DSTN: variants seen among roughly 807,000 people sequenced by gnomAD.
DSTN encodes the protein destrin, actin depolymerizing factor, also known as destrin.
DSTN carries 10 observed loss-of-function variants against 16.8 expected under a neutral mutation model. The ratio of observed to expected loss-of-function variants is 0.60; its 90% CI spans 0.37 to 1.01. DSTN has a LOEUF of 1.01. Ranked by LOEUF, DSTN falls within the 50% of genes least tolerant of loss-of-function variation. The probability of loss-of-function intolerance (pLI) is 0.01; values close to 1 mark genes in which losing one functional copy is unlikely to be tolerated. For missense variants in DSTN, 141 were observed against 196.7 expected, an observed-to-expected ratio of 0.72 and a Z score of 1.69; for synonymous variants, 57 against 58.9, an observed-to-expected ratio of 0.97 and a Z score of 0.14.
At chr20:17,601,401 C>G (rs187762390) in intron 2 of DSTN, among the ~76,000 whole-genome samples, 507 of 152,146 alleles carry the variant, frequency 3.3e-3, no homozygotes, top group Middle Eastern at 6.8e-3. Flanking sequence ...TGCCAGGAAC[C>G]AGCCTTCTAT....
In DSTN at chr20:17,570,110, G is replaced by A; in HGVS notation, c.-99G>A. On this transcript the variant is annotated 5_prime_UTR_variant, in exon 1 of 4. Coordinates refer to ENST00000246069, the MANE Select transcript of DSTN (RefSeq NM_006870.4). ...AAGCTCGCGCCGCCGCGTCAGCTCA[G>A]CGCTGGGTCTCTCGGTCCCGCAGCC... 4 of 1,495,574 alleles carry A rather than the reference G, an allele frequency of 2.7e-6. No individual in the cohort carries two copies. Among genetic ancestry groups the A allele is most frequent in the African/African-American group, 1.5e-5 (1 of 68,572 alleles). The allele number at this position is 1,495,574 out of a possible 1,614,324, so 92.6% of individuals were successfully genotyped here. A position where few individuals can be genotyped will look rare whatever the true frequency, so the allele number is the denominator to read the frequency against.
At chr20:17,583,907 A>T (rs1029329297) in intron 1 of DSTN, among the ~76,000 whole-genome samples, 3 of 151,732 alleles carry the variant, frequency 2.0e-5, no homozygotes, top group Admixed American at 1.3e-4. Context: ...TGGCAATTTT[A>T]AAAAGTTTTT....
chr20:17,606,479 C>G (rs2035644157), intron 3 of DSTN, among the ~76,000 whole-genome samples: 2 of 152,140 alleles, frequency 1.3e-5, no homozygotes, highest in African/African-American at 4.8e-5. Flanking sequence ...ATCAACTGTG[C>G]AATCAAAAAT....
chr20:17,605,260 CACT>C, intron 3 of DSTN: 13 of 439,414 alleles, frequency 3.0e-5, no homozygotes, highest in South Asian at 2.1e-4. Context: ...CAAAGGCCTG[CACT>C]GAGGGCGAAG....
At chr20:17,574,882 T>TTC (rs1201949017) in intron 1 of DSTN, among the ~76,000 whole-genome samples, 1 of 133,928 alleles carries the variant, frequency 7.5e-6, no homozygotes, top group Non-Finnish European at 1.6e-5. Flanking sequence ...TTTTTTTTTT[T>TTC]TTTTTTTTTT....
At chr20:17,572,840 C>T (rs1018607733) in intron 1 of DSTN, among the ~76,000 whole-genome samples, 4 of 152,134 alleles carry the variant, frequency 2.6e-5, no homozygotes, top group African/African-American at 9.7e-5. Context: ...TCCTTTTGTA[C>T]AGGAAAAACA....
rs536619983 is a variant in DSTN at position 17,593,956 on chromosome 20, C to T, written c.4-6782C>T. On this transcript the variant is annotated intron_variant, in intron 1 of 3. Coordinates refer to ENST00000246069, the MANE Select transcript of DSTN (RefSeq NM_006870.4). ...AATTAGCTGGGCATGGTGGCACGTG[C>T]TTATAGTCCCAGTACTCAGGAAGCT... Among the ~76,000 whole-genome samples, 24 of 152,132 alleles carry T rather than the reference C, an allele frequency of 1.6e-4. No individual in the cohort carries two copies. The South Asian group carries it at 4.4e-3, about 28-fold the overall frequency.
intron 1 of DSTN, among the ~76,000 whole-genome samples, chr20:17,595,368 C>T (rs965769490): frequency 2.0e-5 from 3 of 152,156 alleles, no homozygotes; most frequent in Non-Finnish European, 2.9e-5. Flanking sequence ...GTGTATCTTC[C>T]TTCCACCTCA....
intron 1 of DSTN, among the ~76,000 whole-genome samples, chr20:17,589,582 C>G (rs529660802): frequency 2.6e-5 from 4 of 152,330 alleles, no homozygotes; most frequent in African/African-American, 9.6e-5. Flanking sequence ...GAACTTGTCA[C>G]TCTCATTTTA....
chr20:17,580,917 C>A (rs1404065182), intron 1 of DSTN, among the ~76,000 whole-genome samples: 1 of 152,140 alleles, frequency 6.6e-6, no homozygotes, highest in Non-Finnish European at 1.5e-5. Context: ...AGAGAATGAG[C>A]TTGACATTTG....
At chr20:17,571,932 G>T (rs559593498) in intron 1 of DSTN, among the ~76,000 whole-genome samples, 2 of 152,272 alleles carry the variant, frequency 1.3e-5, no homozygotes, top group South Asian at 4.1e-4. Context: ...AGATCAAGAA[G>T]ACCTTACAAG....
At chr20:17,592,262 T>TA (rs889909281) in intron 1 of DSTN, among the ~76,000 whole-genome samples, 4 of 151,816 alleles carry the variant, frequency 2.6e-5, no homozygotes, top group African/African-American at 7.2e-5. Context: ...CCCATCTTTA[T>TA]AAAAAAATAC....
At chr20:17,575,240 CTT>C (rs113502666) in intron 1 of DSTN, among the ~76,000 whole-genome samples, 9,145 of 151,946 alleles carry the variant, frequency 0.06, 411 homozygotes, top group East Asian at 0.12. Flanking sequence ...GTTAATGTAA[CTT>C]TATATTTTCT....
chr20:17,577,486 G>C (rs182714622), intron 1 of DSTN, among the ~76,000 whole-genome samples: 1 of 152,012 alleles, frequency 6.6e-6, no homozygotes, highest in East Asian at 1.9e-4. Flanking sequence ...AGAATTGCTT[G>C]AACCTGGGAG....
Position 17,608,722 on chromosome 20 carries a change from A to G in DSTN, c.*1576A>G, listed in dbSNP as rs765403215. 6.6e-6 allele frequency: 1 copy of G among 152,282 alleles called. No homozygotes were observed. Among genetic ancestry groups the G allele is most frequent in the Non-Finnish European group, 1.5e-5 (1 of 68,028 alleles). The allele number at this position is 152,282 out of a possible 1,614,324, so 9.4% of individuals were successfully genotyped here. On this transcript the variant is annotated 3_prime_UTR_variant, in exon 4 of 4. Coordinates refer to ENST00000246069, the MANE Select transcript of DSTN (RefSeq NM_006870.4). ...TTACACTATAAGTGTAATAAATATT[A>G]TACAAAATTATAAATTCACATTTAA...
At chr20:17,572,858 C>T (rs2035223019) in intron 1 of DSTN, among the ~76,000 whole-genome samples, 1 of 152,188 alleles carries the variant, frequency 6.6e-6, no homozygotes, top group South Asian at 2.1e-4. Context: ...ACAGGGCTAT[C>T]TTATTGCCAT....
chr20:17,586,202 A>G (rs1182756412), intron 1 of DSTN, among the ~76,000 whole-genome samples: 2 of 152,216 alleles, frequency 1.3e-5, no homozygotes, highest in Non-Finnish European at 2.9e-5. Flanking sequence ...AGATAAAACT[A>G]ATAGAACTTA....
chr20:17,585,279 G>A (rs2122178769), intron 1 of DSTN, among the ~76,000 whole-genome samples: 1 of 152,270 alleles, frequency 6.6e-6, no homozygotes, highest in South Asian at 2.1e-4. Context: ...GAGATTTTGA[G>A]AGTAAATGAG....
At chr20:17,603,934 A>G (rs1291953822) in intron 2 of DSTN, among the ~76,000 whole-genome samples, 2 of 152,224 alleles carry the variant, frequency 1.3e-5, no homozygotes, top group Non-Finnish European at 2.9e-5. Context: ...AAAACCTGCT[A>G]TTGGAATAGA....
Sources: allele counts gnomAD v4.1 joint callset (sites outside exome capture counted in the v4.1 genomes callset), GRCh38; gene constraint gnomAD v4.1.1; transcripts MANE v1.5; gene names NCBI Gene and HGNC (gene_info 2026-07-23, HGNC 2026-07-21).